Variants in CACNA1E observed in about 807,000 individuals in gnomAD.
CACNA1E encodes voltage-dependent R-type calcium channel subunit alpha-1E.
A neutral mutation model predicts 259.2 loss-of-function variants in CACNA1E; 40 were observed. The ratio of observed to expected loss-of-function variants is 0.15; its 90% CI spans 0.12 to 0.20. The LOEUF (loss-of-function observed/expected upper bound fraction) is 0.20. CACNA1E is among the 10% of genes least tolerant of loss of function. CACNA1E has a pLI of 1.00. For missense variants in CACNA1E, 1,874 were observed against 3,040.1 expected, an observed-to-expected ratio of 0.62 and a Z score of 9.02; for synonymous variants, 1,104 against 1,138.5, an observed-to-expected ratio of 0.97 and a Z score of 0.61.
chr1:181,794,336 G>T (rs979991934), intron 45 of CACNA1E, among the ~76,000 whole-genome samples: 2 of 152,174 alleles, frequency 1.3e-5, no homozygotes, highest in Non-Finnish European at 2.9e-5. Context: ...GGGCTAGGTG[G>T]GATTGATGGC....
rs889859340 is a variant in CACNA1E at position 181,776,947 on chromosome 1, G to A, written c.5267+719G>A. Reference sequence around the variant, plus strand: ...AAAGACAGCTCAACCATTCGTTTACGTATTGTCTCTGGCTGCTTACATACT... The same window carrying A: ...AAAGACAGCTCAACCATTCGTTTACATATTGTCTCTGGCTGCTTACATACT... On this transcript the variant is annotated intron_variant, in intron 38 of 47. Transcript: ENST00000367573. The surrounding 1 kb of genome is among the most constrained non-coding windows in gnomAD (Gnocchi z 4.4). Among the ~76,000 whole-genome samples the A allele has an allele frequency of 4.6e-5, 7 of 152,196 alleles. No homozygotes were observed. The highest frequency in any genetic ancestry group is 1.3e-4 in the Admixed American group (2 of 15,282).
intron 1 of CACNA1E, among the ~76,000 whole-genome samples, chr1:181,388,436 C>T (rs1375039194): frequency 6.6e-6 from 1 of 152,080 alleles, no homozygotes; most frequent in Non-Finnish European, 1.5e-5. Flanking sequence ...AATGATATAG[C>T]CTATTACACA....
intron 7 of CACNA1E, among the ~76,000 whole-genome samples, chr1:181,691,927 T>A (rs999681977): frequency 6.6e-6 from 1 of 152,108 alleles, no homozygotes; most frequent in Non-Finnish European, 1.5e-5. Context: ...TCTAAAGACT[T>A]CACGAAAAGT....
In CACNA1E at chr1:181,547,271, T is replaced by C. The variant is rs192364762; in HGVS notation, c.513-30495T>C. ...ACCGATGCCACCTTAACTCCAGCAG[T>C]GCTGATGCTTGCCCCTGACTCTGGC... On this transcript the variant is annotated intron_variant, in intron 3 of 47. Transcript: ENST00000367573. Among the ~76,000 whole-genome samples the C allele has an allele frequency of 1.3e-4, 20 of 152,296 alleles. No homozygotes were observed. In the East Asian group the frequency reaches 3.9e-3, roughly 29 times the overall value.
chr1:181,496,194 A>T (rs556662313), intron 1 of CACNA1E, among the ~76,000 whole-genome samples: 2 of 152,230 alleles, frequency 1.3e-5, no homozygotes, highest in Admixed American at 1.3e-4. Flanking sequence ...TGCTGATTTT[A>T]TACCAGTATT....
chr1:181,608,815 G>A (rs1391470763), intron 6 of CACNA1E, among the ~76,000 whole-genome samples: 2 of 152,128 alleles, frequency 1.3e-5, no homozygotes, highest in Admixed American at 6.5e-5. Flanking sequence ...TGTCACTGCT[G>A]CCTCTTCCCT....
chr1:181,377,619 G>A (rs1433870507), intron 1 of CACNA1E, among the ~76,000 whole-genome samples: 1 of 152,032 alleles, frequency 6.6e-6, no homozygotes, highest in African/African-American at 2.4e-5. Context: ...AAAGCAAGGA[G>A]ACCAGTTCAA....
intron 1 of CACNA1E, among the ~76,000 whole-genome samples, chr1:181,318,812 A>G (rs1650121391): frequency 6.6e-6 from 1 of 152,212 alleles, no homozygotes; most frequent in Admixed American, 6.5e-5. Context: ...TTCCTGGGAC[A>G]GGACTGGGAA....
rs1447351290 is a variant in CACNA1E at position 181,802,239 on chromosome 1, T to A, written c.*3405T>A. On this transcript the variant is annotated 3_prime_UTR_variant, in exon 48 of 48. Coordinates refer to ENST00000367573, the MANE Select transcript of CACNA1E (RefSeq NM_001205293.3). ...CTCTGCTGCTCTTCTGGCTGAAGAA[T>A]CTGTTTTTCTTCTGGGCTTCACTTG... 6.6e-6 allele frequency: 1 copy of A among 152,274 alleles called. No homozygotes were observed. The highest frequency in any genetic ancestry group is 2.4e-5 in the African/African-American group (1 of 41,460). 9.4% of individuals were successfully genotyped at this position (152,274 alleles called of 1,614,324 possible). A position where few individuals can be genotyped will look rare whatever the true frequency, so the allele number is the denominator to read the frequency against.
At chr1:181,771,530 C>G (rs534592984) in intron 36 of CACNA1E, 146 bp downstream of exon 36, 19 of 617,528 alleles carry the variant, frequency 3.1e-5, no homozygotes, top group Non-Finnish European at 4.1e-5. Context: ...AATGTCTTTG[C>G]CAAACTGCCC....
intron 1 of CACNA1E, among the ~76,000 whole-genome samples, chr1:181,486,170 G>A (rs1029087007): frequency 6.6e-6 from 1 of 152,220 alleles, no homozygotes; most frequent in Non-Finnish European, 1.5e-5. Flanking sequence ...GGCCAAAAAT[G>A]GACCAAAGAG....
intron 2 of CACNA1E, among the ~76,000 whole-genome samples, chr1:181,462,724 G>T (rs1297411622): frequency 6.6e-6 from 1 of 152,130 alleles, no homozygotes; most frequent in Non-Finnish European, 1.5e-5. Context: ...GCATGTATAT[G>T]AATTTTTTGA....
intron 7 of CACNA1E, among the ~76,000 whole-genome samples, chr1:181,683,863 T>C (rs1650240739): frequency 1.3e-5 from 2 of 152,242 alleles, no homozygotes; most frequent in African/African-American, 4.8e-5. Flanking sequence ...GTTGATTTCA[T>C]GTCTTTCCTG....
At chr1:181,642,442 C>T (rs1163812582) in intron 6 of CACNA1E, among the ~76,000 whole-genome samples, 2 of 152,094 alleles carry the variant, frequency 1.3e-5, no homozygotes, top group Non-Finnish European at 2.9e-5. Context: ...GAGCGGTTAC[C>T]TTGGTATTAT....
chr1:181,622,345 T>C (rs1484867889), intron 6 of CACNA1E, among the ~76,000 whole-genome samples: 1 of 152,204 alleles, frequency 6.6e-6, no homozygotes, highest in Non-Finnish European at 1.5e-5. Context: ...GAAGGTAATG[T>C]TAGAGTAGTT....
chr1:181,324,630 T>C lies in CACNA1E; in HGVS notation c.-15+6507T>C, dbSNP rs1225289217. Among the ~76,000 whole-genome samples the C allele has an allele frequency of 2.6e-5, 4 of 152,076 alleles. No homozygotes were observed. In the East Asian group the frequency reaches 5.8e-4, roughly 22 times the overall value. On this transcript the variant is annotated intron_variant, in intron 1 of 11. Coordinates refer to the CACNA1E transcript ENST00000524607. Reference sequence around the variant, plus strand: ...ATGTAAATCGGGAGTTCAAAGGAAATGTTTAAGAAATAAATTAGATGATGC... The same window carrying C: ...ATGTAAATCGGGAGTTCAAAGGAAACGTTTAAGAAATAAATTAGATGATGC...
intron 1 of CACNA1E, among the ~76,000 whole-genome samples, chr1:181,500,736 T>C (rs1665177428): frequency 6.6e-6 from 1 of 152,254 alleles, no homozygotes; most frequent in Admixed American, 6.5e-5. Flanking sequence ...TGAGTATCCC[T>C]AGTTCTTTCA....
chr1:181,631,872 C>G (rs1002004105), intron 6 of CACNA1E, among the ~76,000 whole-genome samples: 1 of 152,134 alleles, frequency 6.6e-6, no homozygotes, highest in African/African-American at 2.4e-5. Context: ...CATGGGCATT[C>G]CTAGATCCCT....
Position 181,724,466 on chromosome 1 carries a change from C to A in CACNA1E, c.2075-4C>A, listed in dbSNP as rs1170948098. 1.2e-6 allele frequency: 2 copies of A among 1,612,576 alleles called. No homozygotes were observed. The highest frequency in any genetic ancestry group is 1.3e-5 in the African/African-American group (1 of 75,032). On this transcript the variant is annotated splice_region_variant and splice_polypyrimidine_tract_variant and intron_variant, in intron 16 of 47. Transcript: ENST00000367573. ...ATTTGCCCATCCTTAATTCATCACC[C>A]CAGACACGCTACTGAATGTGTTCTT...
Sources: allele counts gnomAD v4.1 joint callset (sites outside exome capture counted in the v4.1 genomes callset), GRCh38; gene constraint gnomAD v4.1.1; non-coding constraint Gnocchi (gnomAD v3.1); transcripts MANE v1.5; gene names NCBI Gene and HGNC (gene_info 2026-07-23, HGNC 2026-07-21).